TRMT9B: variants seen among roughly 807,000 people sequenced by gnomAD.
TRMT9B encodes tRNA methyltransferase 9B (putative).
Under a neutral mutation model 11.5 loss-of-function variants are expected in TRMT9B, and 16 were observed. That is an observed-to-expected ratio of 1.39 (90% CI 0.94 to 2.11). TRMT9B has a LOEUF of 2.11. Ranked by LOEUF, TRMT9B falls within the 30% of genes most tolerant of loss-of-function variation. The pLI, the probability that TRMT9B is intolerant of heterozygous loss-of-function variation, is 0.00. For missense variants in TRMT9B, 941 were observed against 553.8 expected (o/e 1.70, Z -7.02); for synonymous variants, 274 against 192.4 (o/e 1.42, Z -3.51).
chr8:13,006,778 C>G, intron 3 of TRMT9B: 1 of 556,888 alleles, frequency 1.8e-6, no homozygotes, highest in Non-Finnish European at 2.6e-6. Flanking sequence ...AACTGATTCT[C>G]CTGCCTCAGA....
chr8:13,022,237 C>G lies in TRMT9B; in HGVS notation c.*193C>G. The G allele has an allele frequency of 1.9e-6, 1 of 524,990 alleles. No individual in the cohort carries two copies. The highest frequency in any genetic ancestry group is 3.4e-6 in the Non-Finnish European group (1 of 292,936). The allele number at this position is 524,990 out of a possible 1,614,324, so 32.5% of individuals were successfully genotyped here. A position where few individuals can be genotyped will look rare whatever the true frequency, so the allele number is the denominator to read the frequency against. Reference sequence around the variant, plus strand: ...AGATTCTGGCATTGAAAGCACTTGACAAAGGGTATTTGTGCTTAAATGTTA... The same window carrying G: ...AGATTCTGGCATTGAAAGCACTTGAGAAAGGGTATTTGTGCTTAAATGTTA... On this transcript the variant is annotated 3_prime_UTR_variant, in exon 5 of 5. Coordinates refer to ENST00000524591, the MANE Select transcript of TRMT9B (RefSeq NM_020844.3).
At chr8:13,006,532 A>G (rs1810512834) in intron 3 of TRMT9B, 176 bp downstream of exon 3, 2 of 1,437,158 alleles carry the variant, frequency 1.4e-6, no homozygotes, top group Admixed American at 5.7e-5. Flanking sequence ...TGCTTTTCAC[A>G]TTGATTTTTC....
intron 2 of TRMT9B, among the ~76,000 whole-genome samples, chr8:12,992,618 G>A (rs554469429): frequency 1.2e-4 from 19 of 152,154 alleles, no homozygotes; most frequent in East Asian, 5.8e-4. Context: ...TTGAGAGGCC[G>A]GGTTAGGCAG....
At chr8:12,986,626 A>C (rs149591877) in intron 1 of TRMT9B, among the ~76,000 whole-genome samples, 50 of 152,308 alleles carry the variant, frequency 3.3e-4, no homozygotes, top group African/African-American at 1.2e-3. Flanking sequence ...GGTTTATTAG[A>C]GTTTATATAT....
chr8:12,974,825 G>A (rs190030578), intron 1 of TRMT9B, among the ~76,000 whole-genome samples: 1 of 152,258 alleles, frequency 6.6e-6, no homozygotes, highest in East Asian at 1.9e-4. Context: ...TACACAGCTT[G>A]CTAGGTGCAG....
At position 13,028,354 on chromosome 8, in the gene TRMT9B, C is replaced by G. The variant is rs1814949102; in HGVS notation, c.*6310C>G. 1 of 166,982 alleles carries G rather than the reference C, an allele frequency of 6.0e-6. No individual in the cohort carries two copies. The highest frequency in any genetic ancestry group is 6.5e-5 in the Admixed American group (1 of 15,268). 10.3% of individuals were successfully genotyped at this position (166,982 alleles called of 1,614,324 possible). On this transcript the variant is annotated 3_prime_UTR_variant, in exon 5 of 5. Transcript: ENST00000524591. ...AGAGCTGCAGAAAGTAAAGTTTACT[C>G]CAACCCAATTAATCATTAATACATC...
At chr8:12,969,014 C>T (rs998218503) in intron 1 of TRMT9B, among the ~76,000 whole-genome samples, 2 of 152,184 alleles carry the variant, frequency 1.3e-5, no homozygotes, top group African/African-American at 4.8e-5. Flanking sequence ...GAGTTCGAGG[C>T]TAGCCTGATC....
intron 4 of TRMT9B, among the ~76,000 whole-genome samples, chr8:13,020,634 C>T (rs1341475277): frequency 6.6e-6 from 1 of 152,096 alleles, no homozygotes; most frequent in African/African-American, 2.4e-5. Context: ...ATATCTCTTT[C>T]AAATTTTAGT....
rs138816099 is a variant in TRMT9B, at chr8:13,029,121, G to C, written c.*7077G>C. 1.2e-4 allele frequency: 20 copies of C among 166,942 alleles called. No individual in the cohort carries two copies. Among genetic ancestry groups the C allele is most frequent in the African/African-American group, 4.6e-4 (19 of 41,512 alleles). The allele number at this position is 166,942 out of a possible 1,614,324, so 10.3% of individuals were successfully genotyped here. Reference sequence around the variant, plus strand: ...GTGACCAAGAAAAAGTAGTTCTTTTGTGCACGCGTGAATACATCAAATTAG... The same window carrying C: ...GTGACCAAGAAAAAGTAGTTCTTTTCTGCACGCGTGAATACATCAAATTAG... On this transcript the variant is annotated 3_prime_UTR_variant, in exon 5 of 5. Transcript: ENST00000524591.
At chr8:13,018,331 G>A (rs1813174729) in intron 4 of TRMT9B, among the ~76,000 whole-genome samples, 1 of 148,424 alleles carries the variant, frequency 6.7e-6, no homozygotes, top group African/African-American at 2.5e-5. Context: ...GAACTCAGAA[G>A]GCAGAGGCTG....
At chr8:13,008,690 A>G (rs1810961193) in intron 3 of TRMT9B, among the ~76,000 whole-genome samples, 1 of 152,220 alleles carries the variant, frequency 6.6e-6, no homozygotes, top group South Asian at 2.1e-4. Context: ...AATCAAACTA[A>G]GTAAAAATAT....
chr8:12,994,575 A>G (rs942825946), intron 2 of TRMT9B, among the ~76,000 whole-genome samples: 3 of 152,228 alleles, frequency 2.0e-5, no homozygotes, highest in African/African-American at 7.2e-5. Flanking sequence ...ACTTTCCCTG[A>G]AAAGCAGGCT....
chr8:12,973,525 C>T (rs1295001799), intron 1 of TRMT9B, among the ~76,000 whole-genome samples: 2 of 152,200 alleles, frequency 1.3e-5, no homozygotes, highest in African/African-American at 2.4e-5. Flanking sequence ...CTGCTACTTT[C>T]ACTGAAGAGA....
At chr8:12,964,486 T>C (rs1331917981) in intron 1 of TRMT9B, among the ~76,000 whole-genome samples, 2 of 152,236 alleles carry the variant, frequency 1.3e-5, no homozygotes, top group African/African-American at 4.8e-5. Flanking sequence ...TGTTTTTTAC[T>C]TTTAAAGCAG....
At position 13,021,640 on chromosome 8, in the gene TRMT9B, T is replaced by A. The variant is rs769492875; in HGVS notation, c.961T>A (p.Leu321Met). 6.2e-7 allele frequency: 1 copy of A among 1,613,800 alleles called. No homozygotes were observed. The highest frequency in any genetic ancestry group is 8.5e-7 in the Non-Finnish European group (1 of 1,179,758). Residue 321 changes from leucine to methionine, a missense_variant, in exon 5 of 5, where the codon TTG becomes ATG. Transcript: ENST00000524591. The stretch of plus-strand genomic sequence containing the variant: ...TGTGGAATCTTCTTCTGGAAAACAC[T>A]TGGAGTGGCTGAGAGCACCAGGCAC... ...VFVESSSGKH[L>M]EWLRAPGTLK... is the part of the protein sequence containing the mutation.
intron 1 of TRMT9B, among the ~76,000 whole-genome samples, chr8:12,962,600 C>T (rs540891422): frequency 5.6e-4 from 85 of 152,232 alleles, no homozygotes; most frequent in African/African-American, 2.0e-3. Context: ...AAGCGATCCT[C>T]GTACCTCAGC....
intron 1 of TRMT9B, among the ~76,000 whole-genome samples, chr8:12,954,123 CTACTT>C (rs1800992264): frequency 6.6e-6 from 1 of 152,188 alleles, no homozygotes; most frequent in Non-Finnish European, 1.5e-5. Flanking sequence ...ATGGTTAACT[CTACTT>C]TAAATTGGAA....
rs35068060 is a variant in TRMT9B at position 12,997,606 on chromosome 8, A to C, written c.-2+6575A>C. ...TGCTACCCTGGTAGCATTTCATTCT[A>C]TGAATATACCACAATTTATTTGATC... On this transcript the variant is annotated intron_variant, in intron 2 of 4. Coordinates refer to ENST00000524591, the MANE Select transcript of TRMT9B (RefSeq NM_020844.3). Among the ~76,000 whole-genome samples, 353 of 152,314 alleles carry C rather than the reference A, an allele frequency of 2.3e-3. 1 individual carries two copies. The highest frequency in any genetic ancestry group is 3.4e-3 in the Non-Finnish European group (230 of 68,018).
chr8:12,951,281 C>T (rs1370866011), intron 1 of TRMT9B: 1 of 152,322 alleles, frequency 6.6e-6, no homozygotes, highest in Non-Finnish European at 1.5e-5. Flanking sequence ...TCCAGTTATC[C>T]CAATGAACCG....
Sources: allele counts gnomAD v4.1 joint callset (sites outside exome capture counted in the v4.1 genomes callset), GRCh38; gene constraint gnomAD v4.1.1; transcripts MANE v1.5; gene names NCBI Gene and HGNC (gene_info 2026-07-23, HGNC 2026-07-21).